Variants in ME3 observed in about 807,000 individuals in gnomAD.
ME3 encodes the protein malic enzyme 3, also known as NADP-dependent malic enzyme, mitochondrial.
ME3 carries 48 observed loss-of-function variants against 68.9 expected under a neutral mutation model. The observed-to-expected ratio is 0.70, with a 90% CI of 0.55 to 0.89. The LOEUF is 0.89. Among genes scored for constraint, ME3 ranks in the 40% least tolerant of loss-of-function variants. The pLI is 0.00. For synonymous variants in ME3, 320 were observed against 318.8 expected (o/e 1.00, Z -0.04); for missense variants, 675 against 797.4 (o/e 0.85, Z 1.85).
At chr11:86,553,088 C>G (rs1956773666) in intron 4 of ME3, among the ~76,000 whole-genome samples, 1 of 152,178 alleles carries the variant, frequency 6.6e-6, no homozygotes. Context: ...TCCCTCAAGC[C>G]AGGCTCATGG....
chr11:86,550,916 G>T (rs865838593), intron 4 of ME3, among the ~76,000 whole-genome samples: 1 of 152,036 alleles, frequency 6.6e-6, no homozygotes, highest in South Asian at 2.1e-4. Flanking sequence ...GGCTCCAGTG[G>T]GTATTTAGGA....
intron 2 of ME3, among the ~76,000 whole-genome samples, chr11:86,604,014 G>C (rs1243066098): frequency 6.6e-6 from 1 of 150,834 alleles, no homozygotes; most frequent in Non-Finnish European, 1.5e-5. Flanking sequence ...GTTAATGGGT[G>C]CAGCACACCA....
chr11:86,493,733 G>A (rs773466288), intron 6 of ME3, among the ~76,000 whole-genome samples: 1 of 152,272 alleles, frequency 6.6e-6, no homozygotes, highest in South Asian at 2.1e-4. Flanking sequence ...AATCTCCTTG[G>A]TATTGGCAGG....
intron 2 of ME3, among the ~76,000 whole-genome samples, chr11:86,662,873 T>G (rs1946371311): frequency 6.6e-6 from 1 of 152,226 alleles, no homozygotes; most frequent in African/African-American, 2.4e-5. Context: ...CTATTTTGAC[T>G]GGAACCCTAG....
chr11:86,568,379 C>G (rs755813990), intron 2 of ME3, among the ~76,000 whole-genome samples: 1 of 152,166 alleles, frequency 6.6e-6, no homozygotes, highest in Non-Finnish European at 1.5e-5. Context: ...GCCTCAAGAC[C>G]CTTCCCTAGC....
chr11:86,548,945 C>T (rs1048493257), intron 4 of ME3, among the ~76,000 whole-genome samples: 5 of 152,182 alleles, frequency 3.3e-5, no homozygotes, highest in African/African-American at 4.8e-5. Flanking sequence ...TCCTTTTGTC[C>T]GGTGATTCTC....
intron 2 of ME3, among the ~76,000 whole-genome samples, chr11:86,650,647 G>C (rs1395654750): frequency 6.6e-6 from 1 of 152,190 alleles, no homozygotes; most frequent in African/African-American, 2.4e-5. Flanking sequence ...AACAGCTCCA[G>C]TCTACAGCTC....
rs72953653 is a variant in ME3 at position 86,542,557 on chromosome 11, G to A, written c.467+13996C>T. On this transcript the variant is annotated intron_variant, in intron 4 of 14. Coordinates refer to ENST00000543262, the Ensembl canonical transcript of ME3. Reference sequence around the variant, plus strand: ...GATTAAGCGGTAGAAGGGTATCAAAGATGGAAGATCAACTTAATGAAATAA... The same window carrying A: ...GATTAAGCGGTAGAAGGGTATCAAAAATGGAAGATCAACTTAATGAAATAA... 2.2e-3 allele frequency among the ~76,000 whole-genome samples: 330 copies of A among 152,306 alleles called. 2 individuals carry two copies. Among genetic ancestry groups the A allele is most frequent in the Non-Finnish European group, 4.1e-3 (277 of 68,030 alleles).
At chr11:86,659,581 G>A (rs775677685) in intron 2 of ME3, among the ~76,000 whole-genome samples, 36 of 152,196 alleles carry the variant, frequency 2.4e-4, no homozygotes, top group Admixed American at 1.5e-3. Flanking sequence ...AGAAAAGTTT[G>A]GTTCACATTG....
chr11:86,557,031 T>C (rs10792857), intron 3 of ME3, among the ~76,000 whole-genome samples: 96,485 of 152,062 alleles, frequency 0.63, 31,286 homozygotes, highest in Non-Finnish European at 0.7. Flanking sequence ...CTCACCCCAA[T>C]TCTCATGGCG....
At chr11:86,607,409 C>G (rs1053778854) in intron 2 of ME3, among the ~76,000 whole-genome samples, 5 of 150,906 alleles carry the variant, frequency 3.3e-5, no homozygotes, top group African/African-American at 7.3e-5. Flanking sequence ...TTCTTCCTCT[C>G]TGATTCATAG....
intron 6 of ME3, among the ~76,000 whole-genome samples, chr11:86,488,873 A>G (rs562060119): frequency 6.6e-6 from 1 of 152,318 alleles, no homozygotes; most frequent in African/African-American, 2.4e-5. Flanking sequence ...AGTGTGGCAC[A>G]TGGAGGCACA....
rs138100345 is a variant in ME3, at chr11:86,660,386, C to G, written c.183+11376G>C. The stretch of plus-strand genomic sequence containing the variant: ...AATGCAACAGAAGCTTTAGGATGTG[C>G]ATTAATCAAGAACTAATTGGACACT... On this transcript the variant is annotated intron_variant, in intron 2 of 14. Transcript: ENST00000543262. Among the ~76,000 whole-genome samples, 1,340 of 152,330 alleles carry G rather than the reference C, an allele frequency of 8.8e-3. 27 individuals carry two copies. Among genetic ancestry groups the G allele is most frequent in the African/African-American group, 0.03 (1,253 of 41,584 alleles).
intron 2 of ME3, among the ~76,000 whole-genome samples, chr11:86,655,251 A>G (rs1294524235): frequency 6.6e-6 from 1 of 152,200 alleles, no homozygotes; most frequent in Non-Finnish European, 1.5e-5. Flanking sequence ...AAACTACTTT[A>G]AAGTTCATAT....
rs572878306 is a variant in ME3, at chr11:86,669,226, C to T, written c.183+2536G>A. Reference sequence around the variant, plus strand: ...CCCAAGGGTGAGTGAATAGGGGATGCCAACAGGCTGTCAGCCTCCTTCTAG... The same window carrying T: ...CCCAAGGGTGAGTGAATAGGGGATGTCAACAGGCTGTCAGCCTCCTTCTAG... On this transcript the variant is annotated intron_variant, in intron 2 of 14. Transcript: ENST00000543262. Among the ~76,000 whole-genome samples, 4 of 152,182 alleles carry T rather than the reference C, an allele frequency of 2.6e-5. No homozygotes were observed. In the South Asian group the frequency reaches 8.3e-4, roughly 32 times the overall value.
At chr11:86,608,194 A>G (rs1054581226) in intron 2 of ME3, among the ~76,000 whole-genome samples, 11 of 152,192 alleles carry the variant, frequency 7.2e-5, no homozygotes, top group African/African-American at 2.7e-4. Context: ...CTAGCAGATT[A>G]AAGTTCAGCT....
At chr11:86,490,077 A>T (rs1951908604) in intron 6 of ME3, among the ~76,000 whole-genome samples, 1 of 151,862 alleles carries the variant, frequency 6.6e-6, no homozygotes, top group South Asian at 2.1e-4. Flanking sequence ...AACAAGAATC[A>T]ATTTTTCTTT....
At chr11:86,537,846 G>A (rs1175203998) in intron 4 of ME3, among the ~76,000 whole-genome samples, 1 of 152,132 alleles carries the variant, frequency 6.6e-6, no homozygotes, top group African/African-American at 2.4e-5. Flanking sequence ...AAATGTGGAG[G>A]CCATTAAACA....
chr11:86,637,913 T>C (rs1170278402), intron 2 of ME3, among the ~76,000 whole-genome samples: 1 of 151,970 alleles, frequency 6.6e-6, no homozygotes, highest in Non-Finnish European at 1.5e-5. Context: ...AGAAATAATG[T>C]ATCTATGAAT....
Sources: gnomAD v4.1 joint callset for allele counts (sites outside exome capture counted in the v4.1 genomes callset) on GRCh38, gnomAD v4.1.1 for gene constraint, MANE v1.5 for transcripts, NCBI Gene and HGNC (gene_info 2026-07-23, HGNC 2026-07-21) for gene names.